Variants in HCN1 observed in about 807,000 individuals in gnomAD.
HCN1 encodes hyperpolarization activated cyclic nucleotide gated potassium channel 1.
Under a neutral mutation model 78.9 loss-of-function variants are expected in HCN1, and 13 were observed. The ratio of observed to expected loss-of-function variants is 0.16; its 90% CI spans 0.11 to 0.26. The LOEUF (loss-of-function observed/expected upper bound fraction) is 0.26. HCN1 is among the 10% of genes least tolerant of loss of function. HCN1 has a pLI of 1.00. For synonymous variants in HCN1, 552 were observed against 455.5 expected (o/e 1.21, Z -2.70); for missense variants, 810 against 1,154.3 (o/e 0.70, Z 4.32).
intron 3 of HCN1, among the ~76,000 whole-genome samples, chr5:45,410,918 T>C (rs892309846): frequency 1.3e-5 from 2 of 152,102 alleles, no homozygotes; most frequent in Non-Finnish European, 2.9e-5. Flanking sequence ...ATAAGCTGTA[T>C]ACAAGTGTAA....
At chr5:45,659,573 G>A (rs1435218486) in intron 1 of HCN1, among the ~76,000 whole-genome samples, 1 of 146,870 alleles carries the variant, frequency 6.8e-6, no homozygotes, top group Non-Finnish European at 1.5e-5. Context: ...TTAGAAGAAT[G>A]TAAAACTAGA....
At chr5:45,585,928 T>G (rs1744208028) in intron 2 of HCN1, among the ~76,000 whole-genome samples, 1 of 152,330 alleles carries the variant, frequency 6.6e-6, no homozygotes, top group Admixed American at 6.5e-5. Context: ...GGTGTCAGTC[T>G]GCCCCTACTG....
chr5:45,467,559 T>C (rs1741299420), intron 2 of HCN1, among the ~76,000 whole-genome samples: 1 of 152,064 alleles, frequency 6.6e-6, no homozygotes, highest in South Asian at 2.1e-4. Flanking sequence ...CTTTGGAAGA[T>C]TACTGGAGAG....
Position 45,256,026 on chromosome 5 carries a change from G to T in HCN1, c.*5895C>A, listed in dbSNP as rs1744604534. ...TTTATTCAGATTTCTTCAATTGAAT[G>T]AATCAATAGTATTCTCTGCTCATAT... On this transcript the variant is annotated 3_prime_UTR_variant, in exon 8 of 8. Transcript: ENST00000303230. 1 of 152,096 alleles carries T rather than the reference G, an allele frequency of 6.6e-6. No individual in the cohort carries two copies. The highest frequency in any genetic ancestry group is 1.5e-5 in the Non-Finnish European group (1 of 68,028). 9.4% of individuals were successfully genotyped at this position (152,096 alleles called of 1,614,324 possible).
chr5:45,343,705 G>C (rs941114201), intron 5 of HCN1, among the ~76,000 whole-genome samples: 2 of 152,020 alleles, frequency 1.3e-5, no homozygotes, highest in African/African-American at 4.8e-5. Context: ...TTTAGCTTTA[G>C]AGGAAATGAA....
chr5:45,393,571 A>G (rs538880948), intron 4 of HCN1, among the ~76,000 whole-genome samples: 1 of 152,180 alleles, frequency 6.6e-6, no homozygotes, highest in South Asian at 2.1e-4. Flanking sequence ...CTTAAAATCT[A>G]TGGAGGCTTG....
intron 2 of HCN1, among the ~76,000 whole-genome samples, chr5:45,540,567 G>A (rs2111826161): frequency 6.6e-6 from 1 of 152,110 alleles, no homozygotes; most frequent in East Asian, 1.9e-4. Context: ...TGTACTCAAG[G>A]GATCTACCTG....
At chr5:45,332,371 C>T (rs183906160) in intron 5 of HCN1, among the ~76,000 whole-genome samples, 28 of 151,420 alleles carry the variant, frequency 1.8e-4, no homozygotes, top group East Asian at 3.9e-4. Flanking sequence ...TTTAAATGTA[C>T]GGTGAAGTTA....
At chr5:45,349,727 C>G (rs1205506950) in intron 5 of HCN1, among the ~76,000 whole-genome samples, 3 of 152,128 alleles carry the variant, frequency 2.0e-5, no homozygotes, top group African/African-American at 4.8e-5. Context: ...AAACTGCCCA[C>G]AGAGAATACT....
At chr5:45,282,073 A>G (rs1745180818) in intron 6 of HCN1, among the ~76,000 whole-genome samples, 1 of 152,202 alleles carries the variant, frequency 6.6e-6, no homozygotes, top group Admixed American at 6.5e-5. Context: ...CAATACTGTC[A>G]CATAGGACTA....
At chr5:45,475,918 TA>T (rs1426798426) in intron 2 of HCN1, among the ~76,000 whole-genome samples, 1 of 152,132 alleles carries the variant, frequency 6.6e-6, no homozygotes, top group African/African-American at 2.4e-5. Flanking sequence ...CAGCATTTCC[TA>T]AAAGACACAG....
At chr5:45,641,097 A>G (rs1294534279) in intron 2 of HCN1, among the ~76,000 whole-genome samples, 1 of 152,168 alleles carries the variant, frequency 6.6e-6, no homozygotes, top group Non-Finnish European at 1.5e-5. Flanking sequence ...TCTAAGTTCT[A>G]ATACAGGGCA....
chr5:45,519,697 A>G (rs541629680), intron 2 of HCN1, among the ~76,000 whole-genome samples: 5 of 152,132 alleles, frequency 3.3e-5, no homozygotes, highest in African/African-American at 1.2e-4. Context: ...CTCATTATTC[A>G]TAGAATCTCA....
chr5:45,480,627 T>A (rs1485738236), intron 2 of HCN1, among the ~76,000 whole-genome samples: 13 of 152,060 alleles, frequency 8.5e-5, no homozygotes, highest in Non-Finnish European at 1.5e-5. Flanking sequence ...ATGACTGAAA[T>A]GGAAATTAAA....
At chr5:45,358,575 T>C (rs1747049776) in intron 4 of HCN1, among the ~76,000 whole-genome samples, 1 of 152,108 alleles carries the variant, frequency 6.6e-6, no homozygotes, top group African/African-American at 2.4e-5. Context: ...CCTCCAACTC[T>C]AACTCATTTT....
chr5:45,327,714 A>G (rs1390583280), intron 5 of HCN1, among the ~76,000 whole-genome samples: 5 of 151,716 alleles, frequency 3.3e-5, no homozygotes, highest in Middle Eastern at 3.4e-3. Flanking sequence ...TTAATTAACT[A>G]GGGTGGGCCA....
At chr5:45,331,427 C>A (rs1746342128) in intron 5 of HCN1, among the ~76,000 whole-genome samples, 1 of 151,208 alleles carries the variant, frequency 6.6e-6, no homozygotes, top group Non-Finnish European at 1.5e-5. Context: ...TATATAAATC[C>A]TGTGTATAAC....
At chr5:45,581,914 G>C (rs1057089285) in intron 2 of HCN1, among the ~76,000 whole-genome samples, 1 of 152,130 alleles carries the variant, frequency 6.6e-6, no homozygotes, top group African/African-American at 2.4e-5. Flanking sequence ...TGCTGTTTTC[G>C]TTACTGTAGC....
intron 6 of HCN1, among the ~76,000 whole-genome samples, chr5:45,301,722 T>TAAAA (rs34604835): frequency 1.5e-5 from 2 of 130,252 alleles, no homozygotes; most frequent in East Asian, 2.2e-4. Flanking sequence ...CCCTGTCATT[T>TAAAA]AAAAAAAAAA....
Sources: allele counts gnomAD v4.1 joint callset (sites outside exome capture counted in the v4.1 genomes callset), GRCh38; gene constraint gnomAD v4.1.1; transcripts MANE v1.5; gene names NCBI Gene and HGNC (gene_info 2026-07-23, HGNC 2026-07-21).